TTC9: variants seen among roughly 807,000 people sequenced by gnomAD.
TTC9 encodes the protein tetratricopeptide repeat protein 9A.
A neutral mutation model predicts 22.9 loss-of-function variants in TTC9; 13 were observed. The observed-to-expected ratio is 0.57, with a 90% CI of 0.37 to 0.90. The LOEUF is 0.90. Among genes scored for constraint, TTC9 ranks in the 40% least tolerant of loss-of-function variants. TTC9 has a pLI of 0.01. For missense variants in TTC9, 280 were observed against 291.8 expected (o/e 0.96, Z 0.29); for synonymous variants, 148 against 133.2 (o/e 1.11, Z -0.77).
intron 1 of TTC9, among the ~76,000 whole-genome samples, chr14:70,656,658 A>G (rs1886072006): frequency 6.6e-6 from 1 of 152,188 alleles, no homozygotes; most frequent in Non-Finnish European, 1.5e-5. Context: ...TCTGGCTTCT[A>G]AGGTCTTCCC....
chr14:70,671,187 C>A lies in TTC9; in HGVS notation c.*32C>A. ...AGCAGCTCCAGAGCTGCGCCCACGC[C>A]TGACCGGGGACTTCCAGGCATCCCC... On this transcript the variant is annotated 3_prime_UTR_variant, in exon 3 of 3. Transcript: ENST00000256367. The A allele has an allele frequency of 2.5e-6, 4 of 1,597,046 alleles. No homozygotes were observed. Among genetic ancestry groups the A allele is most frequent in the Non-Finnish European group, 3.4e-6 (4 of 1,166,210 alleles).
intron 1 of TTC9, among the ~76,000 whole-genome samples, chr14:70,663,781 T>G (rs1886176250): frequency 6.6e-6 from 1 of 152,174 alleles, no homozygotes; most frequent in South Asian, 2.1e-4. Flanking sequence ...GGCATCAATT[T>G]TTGCTTGTTA....
chr14:70,671,202 C>G lies in TTC9; in HGVS notation c.*47C>G, dbSNP rs1886289652. The stretch of plus-strand genomic sequence containing the variant: ...GCGCCCACGCCTGACCGGGGACTTC[C>G]AGGCATCCCCTGGCAGAGAGCCCCG... On this transcript the variant is annotated 3_prime_UTR_variant, in exon 3 of 3. Coordinates refer to ENST00000256367, the MANE Select transcript of TTC9 (RefSeq NM_015351.2). The G allele has an allele frequency of 6.5e-7, 1 of 1,535,718 alleles. No individual in the cohort carries two copies. The highest frequency in any genetic ancestry group is 1.4e-5 in the African/African-American group (1 of 73,140).
At chr14:70,656,228 C>G (rs1167381774) in intron 1 of TTC9, among the ~76,000 whole-genome samples, 1 of 151,596 alleles carries the variant, frequency 6.6e-6, no homozygotes, top group Non-Finnish European at 1.5e-5. Flanking sequence ...CACACACACA[C>G]ACACACACAC....
intron 2 of TTC9, among the ~76,000 whole-genome samples, chr14:70,669,474 T>C (rs1301941917): frequency 6.6e-6 from 1 of 151,924 alleles, no homozygotes; most frequent in East Asian, 1.9e-4. Context: ...ATAGATGAAG[T>C]CTTGCTATGT....
intron 1 of TTC9, among the ~76,000 whole-genome samples, chr14:70,666,675 C>T (rs968975837): frequency 6.6e-5 from 10 of 152,176 alleles, no homozygotes; most frequent in African/African-American, 7.2e-5. Context: ...GTCTCTTTCA[C>T]GTTGTGTGGA....
At chr14:70,648,495 C>T (rs1177490695) in intron 1 of TTC9, among the ~76,000 whole-genome samples, 1 of 152,176 alleles carries the variant, frequency 6.6e-6, no homozygotes, top group Non-Finnish European at 1.5e-5. Flanking sequence ...CATGGGAGTG[C>T]CCCCTCCAAG....
intron 1 of TTC9, among the ~76,000 whole-genome samples, chr14:70,646,616 G>A (rs895860400): frequency 1.3e-5 from 2 of 152,218 alleles, no homozygotes; most frequent in Admixed American, 6.5e-5. Context: ...TGAAGGCTAG[G>A]AGCTTGTGCC....
intron 1 of TTC9, among the ~76,000 whole-genome samples, chr14:70,644,221 G>T (rs920595720): frequency 2.0e-5 from 3 of 152,174 alleles, no homozygotes; most frequent in Admixed American, 6.5e-5. Flanking sequence ...ACTTTTCCAT[G>T]GTGAAATCAA....
At chr14:70,662,572 TGAAA>T (rs1886159649) in intron 1 of TTC9, among the ~76,000 whole-genome samples, 3 of 152,232 alleles carry the variant, frequency 2.0e-5, no homozygotes, top group Non-Finnish European at 4.4e-5. Flanking sequence ...GAGGAGCCAG[TGAAA>T]CAATTTTGTC....
rs1157624423 is a variant in TTC9, at chr14:70,673,053, A to C, written c.*1898A>C. On this transcript the variant is annotated 3_prime_UTR_variant, in exon 3 of 3. Transcript: ENST00000256367. The stretch of plus-strand genomic sequence containing the variant: ...CAAAAGACCAGAGGCCAGAATCCCT[A>C]GTAGTCAGAGCAGTGACAGGTCAGA... 1 of 152,268 alleles carries C rather than the reference A, an allele frequency of 6.6e-6. No individual in the cohort carries two copies. The highest frequency in any genetic ancestry group is 2.4e-5 in the African/African-American group (1 of 41,458). 9.4% of individuals were successfully genotyped at this position (152,268 alleles called of 1,614,324 possible).
At position 70,642,404 on chromosome 14, in the gene TTC9, C is replaced by T; in HGVS notation, c.275C>T (p.Pro92Leu). 1 of 1,599,702 alleles carries T rather than the reference C, an allele frequency of 6.3e-7. No homozygotes were observed. Among genetic ancestry groups the T allele is most frequent in the Non-Finnish European group, 8.5e-7 (1 of 1,174,306 alleles). ...TTGCTGGAGCTGAAGGGGCTGCTGC[C>T]GCCCCCCGGGGAACGGGAGCGGGAC... is the stretch of plus-strand genomic sequence containing the variant. ...RALLELKGLL[P>L]PPGERERDSR... is the part of the protein sequence containing the mutation. The change falls in exon 1 of 3, where the codon CCG becomes CTG. Residue 92 changes from proline (P) to leucine (L), a missense_variant. By Grantham distance (98) the Pro-to-Leu change is moderately conservative. Around this residue, in one of 5 missense-constraint regions of TTC9, gnomAD observed 165 missense variants for 145.4 expected, o/e 1.14. Coordinates refer to ENST00000256367, the MANE Select transcript of TTC9 (RefSeq NM_015351.2).
At chr14:70,652,233 C>T (rs1594736416) in intron 1 of TTC9, among the ~76,000 whole-genome samples, 1 of 152,162 alleles carries the variant, frequency 6.6e-6, no homozygotes, top group African/African-American at 2.4e-5. Flanking sequence ...GACAAGCTCT[C>T]TTTTATTCCA....
chr14:70,651,386 A>G (rs572225517), intron 1 of TTC9, among the ~76,000 whole-genome samples: 1 of 143,760 alleles, frequency 7.0e-6, no homozygotes, highest in Admixed American at 6.7e-5. Context: ...GTGTAGAGAA[A>G]TTATGAGTAA....
chr14:70,668,849 TAAAAAAAAA>T (rs796950135), intron 2 of TTC9, among the ~76,000 whole-genome samples: 1 of 91,198 alleles, frequency 1.1e-5, no homozygotes, highest in Non-Finnish European at 2.2e-5. Flanking sequence ...AGACCTTGTC[TAAAAAAAAA>T]AAAAAAAAAG....
intron 1 of TTC9, among the ~76,000 whole-genome samples, chr14:70,659,730 A>G (rs1396130172): frequency 2.0e-5 from 3 of 152,192 alleles, no homozygotes; most frequent in Non-Finnish European, 4.4e-5. Context: ...AGCAGTACCC[A>G]TGCCTCAAAT....
intron 1 of TTC9, among the ~76,000 whole-genome samples, chr14:70,665,794 A>G (rs1252280332): frequency 6.6e-6 from 1 of 152,216 alleles, no homozygotes; most frequent in Non-Finnish European, 1.5e-5. Context: ...AAGTTATTTA[A>G]GGGGTCAGAA....
rs1226370240 is a variant in TTC9, at chr14:70,667,564, C to G, written c.407C>G (p.Ala136Gly). 6.2e-7 allele frequency: 1 copy of G among 1,613,960 alleles called. No individual in the cohort carries two copies. Among genetic ancestry groups the G allele is most frequent in the Non-Finnish European group, 8.5e-7 (1 of 1,179,892 alleles). ...GCATTTTCCCTCCCTTCCTCCATAGCCTGCCTGCTCCAGGCTGAGCTGGTA... is the reference window on the plus strand; with the variant it reads ...GCATTTTCCCTCCCTTCCTCCATAGGCTGCCTGCTCCAGGCTGAGCTGGTA... Reference protein sequence around the residue: ...IEIDCYNSLAACLLQAELVNY... With the variant: ...IEIDCYNSLAGCLLQAELVNY... The change falls in exon 2 of 3, where the codon GCC becomes GGC. Residue 136 changes from alanine (A) to glycine (G), a missense_variant and splice_region_variant. By Grantham distance (60) the Ala-to-Gly change is moderately conservative. This residue lies in a region of TTC9 where 165 missense variants were observed against 145.4 expected (regional missense o/e 1.14). Transcript: ENST00000256367.
At chr14:70,645,972 T>G (rs1885895915) in intron 1 of TTC9, among the ~76,000 whole-genome samples, 1 of 152,176 alleles carries the variant, frequency 6.6e-6, no homozygotes, top group Non-Finnish European at 1.5e-5. Flanking sequence ...CAGTGAACCC[T>G]TGTACTCCAC....
Sources: gnomAD v4.1 joint callset for allele counts (sites outside exome capture counted in the v4.1 genomes callset) on GRCh38, gnomAD v4.1.1 for gene constraint, gnomAD v4.1.1 regional missense constraint, MANE v1.5 for transcripts, NCBI Gene and HGNC (gene_info 2026-07-23, HGNC 2026-07-21) for gene names.